ZNF143: variants seen among roughly 807,000 people sequenced by gnomAD.
The protein encoded by ZNF143 is zinc finger protein 143, also known as SPH-binding factor.
ZNF143 carries 49 observed loss-of-function variants against 74.1 expected under a neutral mutation model. The ratio of observed to expected loss-of-function variants is 0.66; its 90% CI spans 0.53 to 0.84. ZNF143 has a LOEUF of 0.84. Ranked by LOEUF, ZNF143 falls within the 40% of genes least tolerant of loss-of-function variation. The pLI is 0.00. For missense variants in ZNF143, 637 were observed against 793.4 expected (o/e 0.80, Z 2.37); for synonymous variants, 304 against 282.8 (o/e 1.07, Z -0.75).
chr11:9,516,392 A>G (rs1589944867), intron 14 of ZNF143, 30 bp downstream of exon 14: 2 of 1,572,346 alleles, frequency 1.3e-6, no homozygotes. Context: ...ATGTCAATCA[A>G]TACATATATC....
In ZNF143 at chr11:9,527,857, A is replaced by G. The variant is rs1589962905; in HGVS notation, c.*244A>G. On this transcript the variant is annotated 3_prime_UTR_variant, in exon 16 of 16. Coordinates refer to ENST00000396602, the MANE Select transcript of ZNF143 (RefSeq NM_003442.6). ...AATTAGGGCAATACAGTAAATTTTCATGTTACTCTTTTATCAGATCACAAA... is the reference window on the plus strand; with the variant it reads ...AATTAGGGCAATACAGTAAATTTTCGTGTTACTCTTTTATCAGATCACAAA... The G allele has an allele frequency of 7.0e-5, 26 of 372,246 alleles. No homozygotes were observed. In the East Asian group the frequency reaches 1.2e-3, roughly 17 times the overall value. The allele number at this position is 372,246 out of a possible 1,614,324, so 23.1% of individuals were successfully genotyped here. A position where few individuals can be genotyped will look rare whatever the true frequency, so the allele number is the denominator to read the frequency against.
chr11:9,473,726 A>G (rs1280255536), intron 3 of ZNF143: 2 of 1,474,656 alleles, frequency 1.4e-6, no homozygotes, highest in Non-Finnish European at 9.1e-7. Flanking sequence ...ATCTAATTGA[A>G]AATTGCAGGG....
intron 10 of ZNF143, among the ~76,000 whole-genome samples, chr11:9,500,236 T>C (rs1848110246): frequency 1.3e-5 from 2 of 152,062 alleles, no homozygotes; most frequent in Non-Finnish European, 2.9e-5. Flanking sequence ...CATGTGCTGC[T>C]GTGCCTGGCC....
At chr11:9,483,937 A>T (rs745345128) in intron 7 of ZNF143, among the ~76,000 whole-genome samples, 14 of 150,718 alleles carry the variant, frequency 9.3e-5, no homozygotes, top group Non-Finnish European at 1.8e-4. Context: ...TTCAGTAGAG[A>T]GGGGGTTTCA....
At chr11:9,507,638 A>G (rs1848410017) in intron 11 of ZNF143, among the ~76,000 whole-genome samples, 1 of 152,170 alleles carries the variant, frequency 6.6e-6, no homozygotes, top group African/African-American at 2.4e-5. Flanking sequence ...GTGTAGTTAA[A>G]AGTATTCATT....
intron 11 of ZNF143, 37 bp downstream of exon 11, chr11:9,501,307 A>G (rs1221338130): frequency 6.2e-7 from 1 of 1,605,048 alleles, no homozygotes. Context: ...TTATCTTTCA[A>G]GGCTCAGTTT....
intron 14 of ZNF143, among the ~76,000 whole-genome samples, chr11:9,518,713 G>A (rs1284816638): frequency 2.8e-5 from 4 of 141,678 alleles, no homozygotes; most frequent in Admixed American, 2.1e-4. Flanking sequence ...GTGAGACTCC[G>A]TCTTAAAGAA....
chr11:9,513,827 G>A (rs564378323), intron 13 of ZNF143, among the ~76,000 whole-genome samples: 2 of 152,172 alleles, frequency 1.3e-5, no homozygotes, highest in African/African-American at 4.8e-5. Context: ...CCCAGGAGGC[G>A]GGGTAAGACA....
intron 11 of ZNF143, among the ~76,000 whole-genome samples, chr11:9,507,209 C>G (rs1848396477): frequency 6.6e-6 from 1 of 152,106 alleles, no homozygotes; most frequent in African/African-American, 2.4e-5. Flanking sequence ...GTGCAGTTAC[C>G]CAAGGAATGT....
At chr11:9,523,832 G>A (rs951080599) in intron 14 of ZNF143, among the ~76,000 whole-genome samples, 4 of 152,004 alleles carry the variant, frequency 2.6e-5, no homozygotes, top group Non-Finnish European at 4.4e-5. Context: ...TGGATCGCCT[G>A]AGGTCAGGAG....
intron 1 of ZNF143, among the ~76,000 whole-genome samples, chr11:9,462,376 T>C (rs1855916636): frequency 6.6e-6 from 1 of 151,910 alleles, no homozygotes; most frequent in African/African-American, 2.4e-5. Context: ...CTGGGCAGCA[T>C]AGGGAGACGG....
Position 9,487,112 on chromosome 11 carries a change from G to A in ZNF143, c.646-7534G>A, listed in dbSNP as rs534416050. 5.9e-4 allele frequency among the ~76,000 whole-genome samples: 88 copies of A among 150,414 alleles called. 1 individual carries two copies. The highest frequency in any genetic ancestry group is 3.5e-3 in the Middle Eastern group (1 of 284). ...CTCCCGAGTAGCTGGGAATACAGGTGCCTGCTACCACGCCTGGCTAATTTT... is the reference window on the plus strand; with the variant it reads ...CTCCCGAGTAGCTGGGAATACAGGTACCTGCTACCACGCCTGGCTAATTTT... On this transcript the variant is annotated intron_variant, in intron 7 of 15. Coordinates refer to ENST00000396602, the MANE Select transcript of ZNF143 (RefSeq NM_003442.6).
At chr11:9,513,185 T>A (rs957850572) in intron 13 of ZNF143, among the ~76,000 whole-genome samples, 1 of 152,238 alleles carries the variant, frequency 6.6e-6, no homozygotes, top group Non-Finnish European at 1.5e-5. Flanking sequence ...AAGACTGTCT[T>A]AATACCTGGT....
Position 9,527,773 on chromosome 11 carries a change from G to A in ZNF143, c.*160G>A, listed in dbSNP as rs1332925878. 1.6e-6 allele frequency: 1 copy of A among 624,796 alleles called. No individual in the cohort carries two copies. The highest frequency in any genetic ancestry group is 2.8e-6 in the Non-Finnish European group (1 of 357,782). 38.7% of individuals were successfully genotyped at this position (624,796 alleles called of 1,614,324 possible). A position where few individuals can be genotyped will look rare whatever the true frequency, so the allele number is the denominator to read the frequency against. The stretch of plus-strand genomic sequence containing the variant: ...AGAACATTTTATTCTTGACACTTTT[G>A]TGTATATAACCCTTGGAATAGATTC... On this transcript the variant is annotated 3_prime_UTR_variant, in exon 16 of 16. Transcript: ENST00000396602.
At chr11:9,520,913 TA>T (rs1198527830) in intron 14 of ZNF143, among the ~76,000 whole-genome samples, 6 of 152,268 alleles carry the variant, frequency 3.9e-5, no homozygotes, top group African/African-American at 9.6e-5. Context: ...AATTTACATA[TA>T]AAAAAGCTAA....
rs1237516342 is a variant in ZNF143, at chr11:9,522,042, G to A, written c.1687-3198G>A. 2.0e-5 allele frequency among the ~76,000 whole-genome samples: 3 copies of A among 149,234 alleles called. No individual in the cohort carries two copies. In the Admixed American group the frequency reaches 2.0e-4, roughly 10 times the overall value. On this transcript the variant is annotated intron_variant, in intron 14 of 15. Coordinates refer to ENST00000396602, the MANE Select transcript of ZNF143 (RefSeq NM_003442.6). ...GGTAGCACAGCTACACTACAGCCTGGGCGACAGAGGGAGACCCTGTCTCAA... is the reference window on the plus strand; with the variant it reads ...GGTAGCACAGCTACACTACAGCCTGAGCGACAGAGGGAGACCCTGTCTCAA...
chr11:9,479,406 G>T, intron 6 of ZNF143, 66 bp from the exon 7 acceptor site: 1 of 1,313,670 alleles, frequency 7.6e-7, no homozygotes, highest in Non-Finnish European at 1.1e-6. Flanking sequence ...CCTGAACCAT[G>T]TACTTAACCA....
chr11:9,470,228 G>C (rs529212870), intron 1 of ZNF143, among the ~76,000 whole-genome samples: 8 of 152,262 alleles, frequency 5.3e-5, no homozygotes, highest in Non-Finnish European at 1.2e-4. Context: ...CATTTATTCT[G>C]TACCTATTGT....
chr11:9,475,097 G>A (rs1856798770), intron 5 of ZNF143, among the ~76,000 whole-genome samples: 1 of 152,114 alleles, frequency 6.6e-6, no homozygotes, highest in Non-Finnish European at 1.5e-5. Flanking sequence ...CTGTTGCCAG[G>A]CTAATCTCAA....
Sources: gnomAD v4.1 joint callset for allele counts (sites outside exome capture counted in the v4.1 genomes callset) on GRCh38, gnomAD v4.1.1 for gene constraint, MANE v1.5 for transcripts, NCBI Gene and HGNC (gene_info 2026-07-23, HGNC 2026-07-21) for gene names.